The following TET1 variants were observed in gnomAD, a reference collection of about 807,000 sequenced individuals.
TET1 encodes methylcytosine dioxygenase TET1.
Under a neutral mutation model 148.7 loss-of-function variants are expected in TET1, and 13 were observed. The ratio of observed to expected loss-of-function variants is 0.09; its 90% CI spans 0.06 to 0.14. The LOEUF is 0.14. Among genes scored for constraint, TET1 ranks in the 10% least tolerant of loss-of-function variants. The probability of loss-of-function intolerance (pLI) is 1.00; values close to 1 mark genes in which losing one functional copy is unlikely to be tolerated. For missense variants in TET1, 2,182 were observed against 2,553.8 expected (o/e 0.85, Z 3.14); for synonymous variants, 907 against 937.2 (o/e 0.97, Z 0.59).
chr10:68,666,947 A>C, intron 6 of TET1, 98 bp from the exon 7 acceptor site: 1 of 1,078,324 alleles, frequency 9.3e-7, no homozygotes, highest in Non-Finnish European at 1.3e-6. Flanking sequence ...TAAGTAAATA[A>C]ACTAAAATAT....
intron 3 of TET1, among the ~76,000 whole-genome samples, chr10:68,643,247 G>A (rs1346220473): frequency 8.0e-5 from 9 of 112,004 alleles, no homozygotes; most frequent in Non-Finnish European, 1.2e-4. Context: ...GGGTGACAGA[G>A]TGAGACCCTG....
chr10:68,635,363 G>C (rs1356571717), intron 3 of TET1, among the ~76,000 whole-genome samples: 1 of 152,066 alleles, frequency 6.6e-6, no homozygotes, highest in Admixed American at 6.6e-5. Context: ...GGAAGCTAAA[G>C]TGAGAGGACT....
Position 68,573,345 on chromosome 10 carries a change from A to G in TET1, c.1007A>G (p.Gln336Arg). 1 of 1,614,070 alleles carries G rather than the reference A, an allele frequency of 6.2e-7. No individual in the cohort carries two copies. The highest frequency in any genetic ancestry group is 8.5e-7 in the Non-Finnish European group (1 of 1,180,018). The change falls in exon 2 of 12, where the codon CAA becomes CGA. Residue 336 changes from glutamine to arginine, a missense_variant. Gln to Arg is a conservative substitution (Grantham distance 43). Around this residue, in one of 11 missense-constraint regions of TET1, gnomAD observed 665 missense variants for 672.4 expected, o/e 0.99. Transcript: ENST00000373644. ...AAATTCCTCTTGGCAGGCTCAAAAC[A>G]AGCGACCCTTGGTGCTAAACCAGAT... ...VIKFLLAGSK[Q>R]ATLGAKPDHQ... is the part of the protein sequence containing the mutation.
intron 1 of TET1, among the ~76,000 whole-genome samples, chr10:68,567,707 G>A (rs912173296): frequency 2.6e-5 from 4 of 151,216 alleles, no homozygotes; most frequent in South Asian, 2.1e-4. Flanking sequence ...TGCCAAGATC[G>A]TGCCATTGAA....
chr10:68,577,600 G>A (rs2053747404), intron 2 of TET1, among the ~76,000 whole-genome samples: 1 of 152,008 alleles, frequency 6.6e-6, no homozygotes, highest in Non-Finnish European at 1.5e-5. Flanking sequence ...CTGAGGTCAG[G>A]AGTTTGAGAC....
In TET1 at chr10:68,686,323, ATCTT is replaced by A. The variant is rs555471441; in HGVS notation, c.5053-30_5053-27del. The stretch of plus-strand genomic sequence containing the variant: ...CACAATGAATGTGCACGACCCGTAT[ATCTT>A]TCCCATTTCATGTTTTTCTCCCTAT... On this transcript the variant is annotated intron_variant, in intron 10 of 11. Coordinates refer to ENST00000373644, the MANE Select transcript of TET1 (RefSeq NM_030625.3). The A allele has an allele frequency of 7.0e-5, 108 of 1,538,956 alleles. No homozygotes were observed. The African/African-American group carries it at 1.4e-3, about 20-fold the overall frequency.
intron 8 of TET1, among the ~76,000 whole-genome samples, chr10:68,679,479 G>C (rs778742875): frequency 6.6e-6 from 1 of 152,180 alleles, no homozygotes; most frequent in Non-Finnish European, 1.5e-5. Flanking sequence ...CAGTACACAA[G>C]TGTTAACATT....
intron 6 of TET1, 121 bp from the exon 7 acceptor site, chr10:68,666,924 A>G (rs1273183420): frequency 2.2e-6 from 2 of 922,098 alleles, no homozygotes; most frequent in Non-Finnish European, 3.2e-6. Flanking sequence ...TCTGTAGAAC[A>G]GATTTTATAA....
chr10:68,599,794 G>A (rs931401145), intron 2 of TET1, among the ~76,000 whole-genome samples: 4 of 152,192 alleles, frequency 2.6e-5, no homozygotes, highest in African/African-American at 7.2e-5. Context: ...ATATGAGTCC[G>A]AATTTTCCTT....
Position 68,691,509 on chromosome 10 carries a change from C to T in TET1, c.6106C>T (p.Pro2036Ser). 6.2e-7 allele frequency: 1 copy of T among 1,613,972 alleles called. No homozygotes were observed. Among genetic ancestry groups the T allele is most frequent in the Non-Finnish European group, 8.5e-7 (1 of 1,179,998 alleles). The change falls in exon 12 of 12, where the codon CCC becomes TCC. Residue 2036 changes from proline (P) to serine (S), a missense_variant. Physicochemically the swap from Pro to Ser is moderately conservative, Grantham distance 74 (BLOSUM62 -1). Coordinates refer to ENST00000373644, the MANE Select transcript of TET1 (RefSeq NM_030625.3). This position sits in a 1 kb window ranked among gnomAD's most constrained non-coding sequence, Gnocchi z 4.4. ...ELHATTPVEHPNRNHPTRLSL... is the reference protein window; with the variant it reads ...ELHATTPVEHSNRNHPTRLSL... ...GCACGCTACCACTCCTGTTGAGCACCCCAACCGTAATCATCCAACCCGCCT... is the reference window on the plus strand; with the variant it reads ...GCACGCTACCACTCCTGTTGAGCACTCCAACCGTAATCATCCAACCCGCCT...
At chr10:68,602,361 A>G (rs780315879) in intron 3 of TET1, among the ~76,000 whole-genome samples, 5 of 152,148 alleles carry the variant, frequency 3.3e-5, no homozygotes, top group Non-Finnish European at 7.4e-5. Context: ...CTCCTTCTAT[A>G]CTTTCTGTGT....
chr10:68,636,073 A>G (rs2054646173), intron 3 of TET1, among the ~76,000 whole-genome samples: 1 of 152,212 alleles, frequency 6.6e-6, no homozygotes, highest in Non-Finnish European at 1.5e-5. Flanking sequence ...AGTTTAAGAT[A>G]TTTGAATAAG....
intron 2 of TET1, among the ~76,000 whole-genome samples, chr10:68,584,683 C>T (rs1422076544): frequency 1.3e-5 from 2 of 151,732 alleles, no homozygotes; most frequent in Non-Finnish European, 1.5e-5. Context: ...CACTCCAGCC[C>T]GGGTGACAGA....
At chr10:68,689,944 C>T (rs1388204384) in intron 11 of TET1, among the ~76,000 whole-genome samples, 2 of 152,136 alleles carry the variant, frequency 1.3e-5, no homozygotes, top group Non-Finnish European at 2.9e-5. Flanking sequence ...AATACTCTTG[C>T]TTTTGAGGGT....
At position 68,609,522 on chromosome 10, in the gene TET1, T is replaced by A. The variant is rs188527759; in HGVS notation, c.1968+8488T>A. On this transcript the variant is annotated intron_variant, in intron 3 of 11. Transcript: ENST00000373644. Reference sequence around the variant, plus strand: ...GGTTTCCCTGTGTTGCCCAGGGTGATCTTGAACTTCTGGGCTTAAGCAATC... The same window carrying A: ...GGTTTCCCTGTGTTGCCCAGGGTGAACTTGAACTTCTGGGCTTAAGCAATC... Among the ~76,000 whole-genome samples, 66 of 152,310 alleles carry A rather than the reference T, an allele frequency of 4.3e-4. 1 individual carries two copies. The highest frequency in any genetic ancestry group is 1.5e-3 in the African/African-American group (63 of 41,576).
At chr10:68,583,593 T>C (rs1477677006) in intron 2 of TET1, among the ~76,000 whole-genome samples, 2 of 152,184 alleles carry the variant, frequency 1.3e-5, no homozygotes, top group East Asian at 3.8e-4. Flanking sequence ...AAGGCCCTGA[T>C]GTTCTCCTGC....
At chr10:68,592,567 C>T (rs188229426) in intron 2 of TET1, among the ~76,000 whole-genome samples, 6 of 152,052 alleles carry the variant, frequency 3.9e-5, no homozygotes, top group Non-Finnish European at 8.8e-5. Context: ...AACCTTGCTA[C>T]CCAAGTGGTG....
At position 68,595,935 on chromosome 10, in the gene TET1, TATATATATATATATATATATATATATAC is replaced by T. The variant is rs1413162695; in HGVS notation, c.1915-5044_1915-5017del. Among the ~76,000 whole-genome samples the T allele has an allele frequency of 5.1e-3, 136 of 26,620 alleles. 9 individuals carry two copies. The highest frequency in any genetic ancestry group is 0.041 in the South Asian group (20 of 490). The allele number at this position is 26,620 out of a possible 152,430, so 17.5% of individuals were successfully genotyped here. ...CAGCCAAAACATATATATATATATA[TATATATATATATATATATATATATATAC>T]ACACACACACACACATATATACACA... On this transcript the variant is annotated intron_variant, in intron 2 of 11. Transcript: ENST00000373644.
chr10:68,687,177 A>C (rs939460671), intron 11 of TET1, among the ~76,000 whole-genome samples: 4 of 118,546 alleles, frequency 3.4e-5, no homozygotes, highest in African/African-American at 1.3e-4. Flanking sequence ...TGCTGGGATT[A>C]CAGGTGTGAG....
Sources: gnomAD v4.1 joint callset for allele counts (sites outside exome capture counted in the v4.1 genomes callset) on GRCh38, gnomAD v4.1.1 for gene constraint, gnomAD v4.1.1 regional missense constraint, Gnocchi (gnomAD v3.1) non-coding constraint, MANE v1.5 for transcripts, NCBI Gene and HGNC (gene_info 2026-07-23, HGNC 2026-07-21) for gene names.